Variants in METTL8 observed in about 807,000 individuals in gnomAD.
The protein encoded by METTL8 is tRNA N(3)-cytidine methyltransferase METTL8, mitochondrial.
Under a neutral mutation model 48.7 loss-of-function variants are expected in METTL8, and 32 were observed. That is an observed-to-expected ratio of 0.66 (90% CI 0.50 to 0.88). METTL8 has a LOEUF of 0.88. METTL8 is among the 40% of genes least tolerant of loss of function. The pLI, the probability that METTL8 is intolerant of heterozygous loss-of-function variation, is 0.00. For synonymous variants in METTL8, 136 were observed against 157.1 expected (o/e 0.87, Z 1.01); for missense variants, 464 against 474.4 (o/e 0.98, Z 0.20).
At chr2:171,375,473 T>C (rs1221815770) in intron 2 of METTL8, among the ~76,000 whole-genome samples, 1 of 152,194 alleles carries the variant, frequency 6.6e-6, no homozygotes, top group African/African-American at 2.4e-5. Flanking sequence ...TATCAACACT[T>C]GGTAAGCTCA....
chr2:171,348,187 A>C (rs1395847911), intron 3 of METTL8, among the ~76,000 whole-genome samples: 5 of 152,216 alleles, frequency 3.3e-5, no homozygotes, highest in Non-Finnish European at 7.3e-5. Context: ...CTTGGTTTAC[A>C]CAGAGGAATG....
chr2:171,316,139 A>G lies in METTL8; in HGVS notation c.*8033T>C, dbSNP rs1684254402. Reference sequence around the variant, plus strand: ...ATGTCTTTTTAAAAGTCAAAGCTAAATGAGTATGCAATAAAGCTTTGAGAA... The same window carrying G: ...ATGTCTTTTTAAAAGTCAAAGCTAAGTGAGTATGCAATAAAGCTTTGAGAA... On this transcript the variant is annotated 3_prime_UTR_variant, in exon 10 of 10. Coordinates refer to ENST00000375258, the MANE Select transcript of METTL8 (RefSeq NM_001321154.2). Among the ~76,000 whole-genome samples the G allele has an allele frequency of 6.6e-6, 1 of 152,246 alleles. No individual in the cohort carries two copies. The highest frequency in any genetic ancestry group is 1.5e-5 in the Non-Finnish European group (1 of 68,034).
At chr2:171,403,031 TAAATG>T (rs1283018413) in intron 1 of METTL8, among the ~76,000 whole-genome samples, 2 of 152,028 alleles carry the variant, frequency 1.3e-5, no homozygotes, top group African/African-American at 2.4e-5. Flanking sequence ...AATAAACAAA[TAAATG>T]AGGGAGAAGA....
chr2:171,416,888 T>C (rs1245745908), intron 1 of METTL8, among the ~76,000 whole-genome samples: 1 of 152,220 alleles, frequency 6.6e-6, no homozygotes, highest in African/African-American at 2.4e-5. Context: ...TCAGAAGTTT[T>C]CTAAAGAGTT....
chr2:171,346,267 T>A (rs1687256370), intron 3 of METTL8, among the ~76,000 whole-genome samples: 1 of 152,194 alleles, frequency 6.6e-6, no homozygotes, highest in Non-Finnish European at 1.5e-5. Context: ...GCTCAAGAGA[T>A]CCTTCCACCT....
chr2:171,391,724 G>A (rs2105562615), intron 2 of METTL8, among the ~76,000 whole-genome samples: 1 of 152,282 alleles, frequency 6.6e-6, no homozygotes, highest in East Asian at 1.9e-4. Context: ...TGGAGCAGGA[G>A]GAGGGCCCCA....
chr2:171,395,347 T>C (rs1015969558), intron 1 of METTL8, among the ~76,000 whole-genome samples: 2 of 152,116 alleles, frequency 1.3e-5, no homozygotes, highest in African/African-American at 4.8e-5. Context: ...AGATAGCATA[T>C]GTAAACCCAA....
chr2:171,361,876 AGT>A (rs2105476241), intron 2 of METTL8, among the ~76,000 whole-genome samples: 2 of 152,344 alleles, frequency 1.3e-5, no homozygotes, highest in African/African-American at 4.8e-5. Flanking sequence ...ATGATAATAC[AGT>A]GAAACATGCA....
intron 1 of METTL8, among the ~76,000 whole-genome samples, chr2:171,398,703 C>G (rs1689356972): frequency 6.6e-6 from 1 of 152,046 alleles, no homozygotes; most frequent in Non-Finnish European, 1.5e-5. Context: ...GGTACACTTG[C>G]CACACATACA....
chr2:171,433,639 T>A (rs1173013930), intron 1 of METTL8, among the ~76,000 whole-genome samples: 2 of 152,210 alleles, frequency 1.3e-5, no homozygotes, highest in Non-Finnish European at 2.9e-5. Flanking sequence ...AAGCATTTCA[T>A]ATTTTATTCC....
At position 171,330,609 on chromosome 2, in the gene METTL8, G is replaced by A. The variant is rs1045587601; in HGVS notation, c.810C>T (p.Ile270=). 6.2e-7 allele frequency: 1 copy of A among 1,613,398 alleles called. No homozygotes were observed. Among genetic ancestry groups the A allele is most frequent in the African/African-American group, 1.3e-5 (1 of 74,906 alleles). Residue 270 remains isoleucine, a synonymous_variant, in exon 7 of 10, where the codon ATC becomes ATT. Transcript: ENST00000375258. ...DGLPYPFPDG[I]LDVILLVFVL... ...CAAAGACAAGGAGAATGACATCCAGGATCCCATCTGGAAAAGGGTAAGGTA... is the reference window on the plus strand; with the variant it reads ...CAAAGACAAGGAGAATGACATCCAGAATCCCATCTGGAAAAGGGTAAGGTA...
At chr2:171,354,596 C>T (rs1343441172) in intron 3 of METTL8, among the ~76,000 whole-genome samples, 3 of 152,194 alleles carry the variant, frequency 2.0e-5, no homozygotes, top group Admixed American at 6.5e-5. Context: ...TCAGGTACAC[C>T]AATCAGACGT....
At position 171,316,295 on chromosome 2, in the gene METTL8, G is replaced by C. The variant is rs777336038; in HGVS notation, c.*7877C>G. 6.6e-6 allele frequency among the ~76,000 whole-genome samples: 1 copy of C among 152,186 alleles called. No individual in the cohort carries two copies. Among genetic ancestry groups the C allele is most frequent in the Non-Finnish European group, 1.5e-5 (1 of 68,036 alleles). Reference sequence around the variant, plus strand: ...CTGTGGGTAGAAAACAAGTCCCCAAGTTGCTACTGAGCCAAACTGTAAAGG... The same window carrying C: ...CTGTGGGTAGAAAACAAGTCCCCAACTTGCTACTGAGCCAAACTGTAAAGG... On this transcript the variant is annotated 3_prime_UTR_variant, in exon 10 of 10. Coordinates refer to ENST00000375258, the MANE Select transcript of METTL8 (RefSeq NM_001321154.2).
At chr2:171,427,831 G>A (rs140673082) in intron 1 of METTL8, among the ~76,000 whole-genome samples, 430 of 152,156 alleles carry the variant, frequency 2.8e-3, no homozygotes, top group African/African-American at 9.4e-3. Context: ...TGTCTATCCT[G>A]TTTACTGCTA....
At chr2:171,387,017 C>T (rs1313950277) in intron 2 of METTL8, among the ~76,000 whole-genome samples, 1 of 152,128 alleles carries the variant, frequency 6.6e-6, no homozygotes, top group Admixed American at 6.5e-5. Context: ...TTCTGACTCC[C>T]CAATCTGCTG....
chr2:171,414,770 T>C (rs1691127617), intron 1 of METTL8: 1 of 151,698 alleles, frequency 6.6e-6, no homozygotes, highest in South Asian at 2.1e-4. Context: ...AATTTATTGG[T>C]ATGTGATATG....
intron 5 of METTL8, among the ~76,000 whole-genome samples, chr2:171,334,573 A>T (rs1373567435): frequency 1.3e-5 from 2 of 152,228 alleles, no homozygotes; most frequent in African/African-American, 2.4e-5. Context: ...ACACTCTCTA[A>T]AAGTAGTAAA....
intron 2 of METTL8, chr2:171,375,132 T>C: frequency 7.0e-6 from 10 of 1,423,988 alleles, no homozygotes; most frequent in Non-Finnish European, 9.8e-6. Flanking sequence ...TGTCCCTGAC[T>C]GCTGCGGCCT....
Position 171,321,766 on chromosome 2 carries a change from C to T in METTL8, c.*2406G>A, listed in dbSNP as rs781592009. ...CACATTTTGTTTTGCCAGCTGTACT[C>T]TATTTATGCTCCCTGAAGAGCATAA... is the stretch of plus-strand genomic sequence containing the variant. On this transcript the variant is annotated 3_prime_UTR_variant, in exon 10 of 10. Transcript: ENST00000375258. 1.3e-5 allele frequency: 2 copies of T among 152,040 alleles called. No individual in the cohort carries two copies. The highest frequency in any genetic ancestry group is 2.9e-5 in the Non-Finnish European group (2 of 68,016). The allele number at this position is 152,040 out of a possible 1,614,324, so 9.4% of individuals were successfully genotyped here. A position where few individuals can be genotyped will look rare whatever the true frequency, so the allele number is the denominator to read the frequency against.
Sources: allele counts gnomAD v4.1 joint callset (sites outside exome capture counted in the v4.1 genomes callset), GRCh38; gene constraint gnomAD v4.1.1; transcripts MANE v1.5; gene names NCBI Gene and HGNC (gene_info 2026-07-23, HGNC 2026-07-21).